The following ADAMTS17 variants were observed in gnomAD, a reference collection of about 807,000 sequenced individuals.
The protein encoded by ADAMTS17 is A disintegrin and metalloproteinase with thrombospondin motifs 17.
In ADAMTS17, 113 loss-of-function variants were observed where a neutral mutation model predicts 141.5. The observed-to-expected ratio is 0.80, with a 90% CI of 0.69 to 0.93. The LOEUF (loss-of-function observed/expected upper bound fraction) is 0.93. Among genes scored for constraint, ADAMTS17 ranks in the 40% least tolerant of loss-of-function variants. The pLI is 0.00. For missense variants in ADAMTS17, 1,659 were observed against 1,517.9 expected (o/e 1.09, Z -1.54); for synonymous variants, 768 against 630.6 (o/e 1.22, Z -3.27).
intron 18 of ADAMTS17, among the ~76,000 whole-genome samples, chr15:100,046,869 G>A (rs928476756): frequency 6.6e-6 from 1 of 152,040 alleles, no homozygotes; most frequent in East Asian, 1.9e-4. Context: ...ATGAAATCTG[G>A]GCACCTTGAA....
At position 99,993,264 on chromosome 15, in the gene ADAMTS17, T is replaced by C. The variant is rs187272731; in HGVS notation, c.2797-64A>G. On this transcript the variant is annotated intron_variant, in intron 19 of 21. Coordinates refer to ENST00000268070, the MANE Select transcript of ADAMTS17 (RefSeq NM_139057.4). The surrounding 1 kb of genome is among the most constrained non-coding windows in gnomAD (Gnocchi z 4.3). ...TCGATTCAAGTCCATCAACAGCTAT[T>C]AACTCCCTCCAATGTGCCAGGTGCG... 29 of 1,603,138 alleles carry C rather than the reference T, an allele frequency of 1.8e-5. No individual in the cohort carries two copies. The African/African-American group carries it at 3.9e-4, about 21-fold the overall frequency.
Position 99,976,098 on chromosome 15 carries a change from T to G in ADAMTS17, c.3074A>C (p.Gln1025Pro). ...GTTGATCCTGTCGTTGCAGACCTCCTGGTAGCACTGTCTGTAGGGGGCAGG... is the reference window on the plus strand; with the variant it reads ...GTTGATCCTGTCGTTGCAGACCTCCGGGTAGCACTGTCTGTAGGGGGCAGG... The part of the protein sequence containing the change: ...SKPAPYRQCY[Q>P]EVCNDRINAN... Residue 1025 changes from glutamine (Q) to proline (P), a missense_variant, in exon 21 of 22, where the codon CAG becomes CCG. Coordinates refer to ENST00000268070, the MANE Select transcript of ADAMTS17 (RefSeq NM_139057.4). 3 of 1,551,648 alleles carry G rather than the reference T, an allele frequency of 1.9e-6. No homozygotes were observed. Among genetic ancestry groups the G allele is most frequent in the Non-Finnish European group, 1.7e-6 (2 of 1,146,994 alleles).
At chr15:100,337,553 C>A (rs1286233103) in intron 2 of ADAMTS17, among the ~76,000 whole-genome samples, 1 of 152,208 alleles carries the variant, frequency 6.6e-6, no homozygotes, top group Admixed American at 6.5e-5. Context: ...GTTTTGCAGC[C>A]CAGAGCTCCT....
chr15:100,276,691 C>T (rs557196410), intron 4 of ADAMTS17, among the ~76,000 whole-genome samples: 1 of 152,236 alleles, frequency 6.6e-6, no homozygotes, highest in African/African-American at 2.4e-5. Flanking sequence ...AGAAAACATG[C>T]TCTGGAGGGA....
rs142086434 is a variant in ADAMTS17, at chr15:100,261,323, G to A, written c.1031+156C>T. Among the ~76,000 whole-genome samples, 26 of 152,292 alleles carry A rather than the reference G, an allele frequency of 1.7e-4. No individual in the cohort carries two copies. In the East Asian group the frequency reaches 2.7e-3, roughly 16 times the overall value. On this transcript the variant is annotated intron_variant, in intron 6 of 21. Coordinates refer to ENST00000268070, the MANE Select transcript of ADAMTS17 (RefSeq NM_139057.4). The stretch of plus-strand genomic sequence containing the variant: ...ACCTACCTCAGAGGTGGATACCACC[G>A]TTAACCCCCACTTACTAATGAGGAA...
chr15:100,325,783 G>C (rs974200945), intron 3 of ADAMTS17, among the ~76,000 whole-genome samples: 2 of 152,140 alleles, frequency 1.3e-5, no homozygotes, highest in Non-Finnish European at 2.9e-5. Flanking sequence ...AGAACTCTGA[G>C]CCAAAATAAA....
At chr15:99,983,472 C>T (rs992872981) in intron 20 of ADAMTS17, among the ~76,000 whole-genome samples, 4 of 152,182 alleles carry the variant, frequency 2.6e-5, no homozygotes, top group Non-Finnish European at 4.4e-5. Context: ...ACATCCTTCC[C>T]CACAGCGGGA....
intron 7 of ADAMTS17, among the ~76,000 whole-genome samples, chr15:100,239,238 C>G (rs2042752923): frequency 6.6e-6 from 1 of 152,238 alleles, no homozygotes; most frequent in Non-Finnish European, 1.5e-5. Flanking sequence ...ATGGAGAGAA[C>G]AGCAGCAGCT....
chr15:100,260,762 C>T (rs2043489693), intron 6 of ADAMTS17, among the ~76,000 whole-genome samples: 1 of 152,012 alleles, frequency 6.6e-6, no homozygotes. Flanking sequence ...AGCAAGCACG[C>T]AATTTGGGAA....
At chr15:100,277,394 C>G (rs986241382) in intron 4 of ADAMTS17, among the ~76,000 whole-genome samples, 5 of 152,174 alleles carry the variant, frequency 3.3e-5, no homozygotes, top group Admixed American at 1.3e-4. Context: ...TTCCCACTCC[C>G]TGCCTGGGAT....
intron 8 of ADAMTS17, among the ~76,000 whole-genome samples, chr15:100,171,474 T>C (rs992747852): frequency 3.7e-4 from 56 of 152,262 alleles, no homozygotes; most frequent in African/African-American, 1.3e-3. Flanking sequence ...GTCACTCAAG[T>C]GACACAAACC....
At chr15:100,021,988 G>A (rs2061414444) in intron 18 of ADAMTS17, among the ~76,000 whole-genome samples, 1 of 152,114 alleles carries the variant, frequency 6.6e-6, no homozygotes, top group African/African-American at 2.4e-5. Context: ...TACCGTTCCT[G>A]CCAAGACTAT....
intron 10 of ADAMTS17, among the ~76,000 whole-genome samples, chr15:100,146,559 T>C (rs2038913760): frequency 6.6e-6 from 1 of 152,196 alleles, no homozygotes; most frequent in Non-Finnish European, 1.5e-5. Flanking sequence ...AGCATGTGTG[T>C]TTGAACAAAT....
chr15:100,187,344 GC>G (rs111627437), intron 8 of ADAMTS17, among the ~76,000 whole-genome samples: 1,605 of 152,296 alleles, frequency 0.011, 31 homozygotes, highest in African/African-American at 0.037. Context: ...TTGGTAACCA[GC>G]CCTCTTGGCT....
At chr15:100,341,462 C>A (rs1354924475) in intron 1 of ADAMTS17, 53 bp from the exon 2 acceptor site, 20 of 1,007,042 alleles carry the variant, frequency 2.0e-5, no homozygotes, top group Non-Finnish European at 2.4e-5. Flanking sequence ...CGGACGCCCG[C>A]CCTCCCGCTG....
intron 12 of ADAMTS17, among the ~76,000 whole-genome samples, chr15:100,125,546 C>G (rs922654680): frequency 3.9e-5 from 6 of 152,186 alleles, no homozygotes; most frequent in Non-Finnish European, 8.8e-5. Flanking sequence ...CCTGCTGCAC[C>G]TGCTGGGATG....
chr15:100,274,491 C>G (rs1400334924), intron 4 of ADAMTS17, among the ~76,000 whole-genome samples: 5 of 152,168 alleles, frequency 3.3e-5, no homozygotes, highest in African/African-American at 1.2e-4. Flanking sequence ...TACTCCTGCT[C>G]TCTTTTGGTT....
intron 20 of ADAMTS17, among the ~76,000 whole-genome samples, chr15:99,985,198 T>C (rs1052338172): frequency 5.9e-5 from 9 of 152,266 alleles, no homozygotes; most frequent in Non-Finnish European, 1.3e-4. Context: ...CGCTCCTTTT[T>C]GCCCCTGCCC....
intron 14 of ADAMTS17, among the ~76,000 whole-genome samples, chr15:100,097,938 A>C (rs947932736): frequency 2.0e-5 from 3 of 152,238 alleles, no homozygotes; most frequent in African/African-American, 7.2e-5. Context: ...ATGATAGCAT[A>C]ACTGGACAGA....
Sources: gnomAD v4.1 joint callset for allele counts (sites outside exome capture counted in the v4.1 genomes callset) on GRCh38, gnomAD v4.1.1 for gene constraint, Gnocchi (gnomAD v3.1) non-coding constraint, MANE v1.5 for transcripts, NCBI Gene and HGNC (gene_info 2026-07-23, HGNC 2026-07-21) for gene names.